Variants in GPRIN3 observed in about 807,000 individuals in gnomAD.
GPRIN3 encodes GPRIN family member 3, also known as G protein-regulated inducer of neurite outgrowth 3.
Under a neutral mutation model 13.7 loss-of-function variants are expected in GPRIN3, and 12 were observed. The observed-to-expected ratio is 0.87, with a 90% CI of 0.56 to 1.42. The LOEUF (loss-of-function observed/expected upper bound fraction) is 1.42. GPRIN3 is among the 40% of genes most tolerant of loss of function. The pLI is 0.00. For synonymous variants in GPRIN3, 377 were observed against 372.7 expected (o/e 1.01, Z -0.13); for missense variants, 1,009 against 958.7 (o/e 1.05, Z -0.69).
chr4:89,290,857 TCA>T (rs1724551956), intron 1 of GPRIN3, among the ~76,000 whole-genome samples: 1 of 152,072 alleles, frequency 6.6e-6, no homozygotes, highest in South Asian at 2.1e-4. Context: ...CATGCCCCAT[TCA>T]CACACAAACA....
In GPRIN3 at chr4:89,244,760, T is replaced by C. The variant is rs1723042034; in HGVS notation, c.*3020A>G. The C allele has an allele frequency of 6.6e-6, 1 of 152,232 alleles. No homozygotes were observed. Among genetic ancestry groups the C allele is most frequent in the African/African-American group, 2.4e-5 (1 of 41,470 alleles). The allele number at this position is 152,232 out of a possible 1,614,324, so 9.4% of individuals were successfully genotyped here. A position where few individuals can be genotyped will look rare whatever the true frequency, so the allele number is the denominator to read the frequency against. On this transcript the variant is annotated 3_prime_UTR_variant, in exon 2 of 2. Coordinates refer to ENST00000609438, the MANE Select transcript of GPRIN3 (RefSeq NM_198281.3). ...GCATCTTAATATTTTAAATGTTGAA[T>C]TGTCTTCCAGACATGGAGTTCTAAC...
intron 1 of GPRIN3, among the ~76,000 whole-genome samples, chr4:89,258,691 G>C (rs954560237): frequency 3.3e-5 from 5 of 152,292 alleles, no homozygotes; most frequent in Admixed American, 2.6e-4. Flanking sequence ...CATGAGGGTC[G>C]TATGACCTGC....
At chr4:89,278,915 T>C (rs904396082) in intron 1 of GPRIN3, among the ~76,000 whole-genome samples, 4 of 152,168 alleles carry the variant, frequency 2.6e-5, no homozygotes, top group African/African-American at 7.2e-5. Context: ...AACCAAGTCA[T>C]GGTAGAGGCC....
At chr4:89,291,918 C>G (rs1410152733) in intron 1 of GPRIN3, among the ~76,000 whole-genome samples, 1 of 136,272 alleles carries the variant, frequency 7.3e-6, no homozygotes, top group African/African-American at 2.8e-5. Flanking sequence ...CAAAATATTT[C>G]TATTTTGATA....
At chr4:89,284,085 G>A (rs112441931) in intron 1 of GPRIN3, among the ~76,000 whole-genome samples, 37 of 152,318 alleles carry the variant, frequency 2.4e-4, no homozygotes, top group African/African-American at 7.2e-4. Flanking sequence ...TGAGGTAAAC[G>A]CTATGACAGA....
chr4:89,253,242 T>A (rs912900465), intron 1 of GPRIN3, among the ~76,000 whole-genome samples: 5 of 152,166 alleles, frequency 3.3e-5, no homozygotes, highest in African/African-American at 1.2e-4. Context: ...TAATTGATCC[T>A]GTTACCCTCC....
At chr4:89,272,086 G>T (rs1456208659) in intron 1 of GPRIN3, among the ~76,000 whole-genome samples, 1 of 152,144 alleles carries the variant, frequency 6.6e-6, no homozygotes, top group Non-Finnish European at 1.5e-5. Context: ...CTTGACCTTG[G>T]ACTTTCCAGC....
chr4:89,276,362 T>G (rs765678748), intron 1 of GPRIN3, among the ~76,000 whole-genome samples: 1 of 152,240 alleles, frequency 6.6e-6, no homozygotes, highest in Admixed American at 6.5e-5. Context: ...ATTCATCTTT[T>G]AATGGAATCT....
At chr4:89,275,021 A>G (rs1724054348) in intron 1 of GPRIN3, among the ~76,000 whole-genome samples, 1 of 152,140 alleles carries the variant, frequency 6.6e-6, no homozygotes, top group South Asian at 2.1e-4. Context: ...CCAAATATGA[A>G]CACTGAGGCA....
intron 1 of GPRIN3, among the ~76,000 whole-genome samples, chr4:89,252,538 C>T (rs1233231661): frequency 6.6e-6 from 1 of 152,164 alleles, no homozygotes; most frequent in African/African-American, 2.4e-5. Flanking sequence ...GATCTTCACT[C>T]AGGCTACAAA....
intron 1 of GPRIN3, among the ~76,000 whole-genome samples, chr4:89,298,832 A>C (rs922646464): frequency 6.6e-6 from 1 of 151,890 alleles, no homozygotes; most frequent in Non-Finnish European, 1.5e-5. Context: ...CTTTGATTCA[A>C]TTTGCAAAGT....
intron 1 of GPRIN3, among the ~76,000 whole-genome samples, chr4:89,296,644 T>G (rs1174692375): frequency 1.3e-5 from 2 of 152,058 alleles, no homozygotes. Context: ...TGTTTGTTTT[T>G]TCTTGTTTGT....
At chr4:89,305,632 G>C (rs773441177) in intron 1 of GPRIN3, among the ~76,000 whole-genome samples, 1 of 152,150 alleles carries the variant, frequency 6.6e-6, no homozygotes, top group Non-Finnish European at 1.5e-5. Flanking sequence ...CAATATTTCC[G>C]TGTTTCCTGC....
chr4:89,274,417 G>A (rs1249962746), intron 1 of GPRIN3, among the ~76,000 whole-genome samples: 1 of 152,124 alleles, frequency 6.6e-6, no homozygotes, highest in Non-Finnish European at 1.5e-5. Context: ...TCTTTCCAGG[G>A]GGTTCGTGAC....
chr4:89,264,806 T>A (rs548273874), intron 1 of GPRIN3, among the ~76,000 whole-genome samples: 1 of 152,210 alleles, frequency 6.6e-6, no homozygotes, highest in Non-Finnish European at 1.5e-5. Flanking sequence ...CTGAAATTAC[T>A]ATTTTTTTCC....
At chr4:89,304,402 G>A (rs1561239120) in intron 1 of GPRIN3, among the ~76,000 whole-genome samples, 2 of 150,964 alleles carry the variant, frequency 1.3e-5, no homozygotes, top group African/African-American at 4.9e-5. Context: ...ATGCAGGCTT[G>A]CACACACACA....
chr4:89,254,424 C>T (rs1723413685), intron 1 of GPRIN3, among the ~76,000 whole-genome samples: 1 of 152,056 alleles, frequency 6.6e-6, no homozygotes, highest in South Asian at 2.1e-4. Context: ...CTGTTGTTCT[C>T]CTGTATGTGT....
intron 1 of GPRIN3, among the ~76,000 whole-genome samples, chr4:89,299,803 C>T (rs891025673): frequency 6.6e-6 from 1 of 152,158 alleles, no homozygotes; most frequent in Non-Finnish European, 1.5e-5. Flanking sequence ...TTGAGATACA[C>T]TCTGGACTTT....
chr4:89,299,126 T>C (rs974276264), intron 1 of GPRIN3, among the ~76,000 whole-genome samples: 1 of 152,180 alleles, frequency 6.6e-6, no homozygotes, highest in Admixed American at 6.5e-5. Flanking sequence ...CTATGGTCTT[T>C]TATATATTAT....
Sources: allele counts gnomAD v4.1 joint callset (sites outside exome capture counted in the v4.1 genomes callset), GRCh38; gene constraint gnomAD v4.1.1; transcripts MANE v1.5; gene names NCBI Gene and HGNC (gene_info 2026-07-23, HGNC 2026-07-21).